The following CAPRIN2 variants were observed in gnomAD, a reference collection of about 807,000 sequenced individuals.
The protein encoded by CAPRIN2 is caprin-2.
In CAPRIN2, 66 loss-of-function variants were observed where a neutral mutation model predicts 130.4. The ratio of observed to expected loss-of-function variants is 0.51; its 90% CI spans 0.42 to 0.62. The LOEUF is 0.62. Ranked by LOEUF, CAPRIN2 falls within the 20% of genes least tolerant of loss-of-function variation. CAPRIN2 has a pLI of 0.00. For synonymous variants in CAPRIN2, 471 were observed against 444.1 expected (o/e 1.06, Z -0.76); for missense variants, 1,185 against 1,246.6 (o/e 0.95, Z 0.74).
rs1442623307 is a variant in CAPRIN2 at position 30,739,136 on chromosome 12, A to G, written c.570+1884T>C. Among the ~76,000 whole-genome samples the G allele has an allele frequency of 2.6e-5, 4 of 152,232 alleles. No individual in the cohort carries two copies. In the East Asian group the frequency reaches 7.7e-4, roughly 29 times the overall value. On this transcript the variant is annotated intron_variant, in intron 3 of 16. Coordinates refer to ENST00000298892, the Ensembl canonical transcript of CAPRIN2. ...CATTACAGCACTATTCACAAGAGGA[A>G]AGACATGGAATCAATCTAAATGCCC...
intron 9 of CAPRIN2, among the ~76,000 whole-genome samples, chr12:30,724,953 C>G (rs1447488569): frequency 6.6e-6 from 1 of 152,104 alleles, no homozygotes; most frequent in Non-Finnish European, 1.5e-5. Flanking sequence ...TTGACCACAC[C>G]ACTGCACCCT....
chr12:30,728,152 G>T (rs577928965), intron 8 of CAPRIN2, among the ~76,000 whole-genome samples: 1 of 152,142 alleles, frequency 6.6e-6, no homozygotes, highest in Non-Finnish European at 1.5e-5. Flanking sequence ...TTTCATCTCA[G>T]ATTAGACTTA....
intron 8 of CAPRIN2, among the ~76,000 whole-genome samples, chr12:30,727,952 G>C (rs1262057714): frequency 1.3e-5 from 2 of 152,146 alleles, no homozygotes; most frequent in Non-Finnish European, 2.9e-5. Flanking sequence ...TAACTTGTCA[G>C]AAAAAGTTAT....
In CAPRIN2 at chr12:30,725,864, C is replaced by A. The variant is rs1005746331; in HGVS notation, c.1905+102G>T. ...CTAGGAGAGCTAGGAGGCAGCAGAG[C>A]CAGGACTTGACAGAATAATCTATGC... On this transcript the variant is annotated intron_variant, in intron 9 of 16. Transcript: ENST00000298892. The A allele has an allele frequency of 2.0e-5, 21 of 1,033,604 alleles. No individual in the cohort carries two copies. The South Asian group carries it at 6.3e-4, about 31-fold the overall frequency. The allele number at this position is 1,033,604 out of a possible 1,614,324, so 64.0% of individuals were successfully genotyped here. A position where few individuals can be genotyped will look rare whatever the true frequency, so the allele number is the denominator to read the frequency against.
intron 11 of CAPRIN2, 64 bp from the exon 13 acceptor site, chr12:30,720,979 C>T: frequency 8.9e-7 from 1 of 1,123,728 alleles, no homozygotes; most frequent in Non-Finnish European, 1.4e-6. Flanking sequence ...ATTTCTTGGG[C>T]CCTGGCCTTC....
chr12:30,744,852 T>C (rs79960467), intron 2 of CAPRIN2, among the ~76,000 whole-genome samples: 2,042 of 152,296 alleles, frequency 0.013, 45 homozygotes, highest in African/African-American at 0.047. Context: ...TCTTGTTGAA[T>C]GAATAAAAGA....
exon 4 of CAPRIN2, chr12:30,735,121 T>G (rs1565648407): frequency 6.2e-7 from 1 of 1,614,186 alleles, no homozygotes; most frequent in Non-Finnish European, 8.5e-7. Context: ...ATACTGAACT[T>G]GAAGTATAGT....
chr12:30,746,645 A>G (rs529207293), intron 2 of CAPRIN2, among the ~76,000 whole-genome samples: 1 of 152,334 alleles, frequency 6.6e-6, no homozygotes, highest in South Asian at 2.1e-4. Flanking sequence ...ACAAGATTTG[A>G]GTGGTATTCC....
exon 4 of CAPRIN2, chr12:30,735,164 G>A: frequency 1.2e-6 from 2 of 1,614,120 alleles, no homozygotes; most frequent in African/African-American, 1.3e-5. Context: ...TCAAGTTTTA[G>A]CATGTGCTCC....
chr12:30,743,051 CT>C (rs1482857404), intron 2 of CAPRIN2, among the ~76,000 whole-genome samples: 1 of 152,100 alleles, frequency 6.6e-6, no homozygotes, highest in Non-Finnish European at 1.5e-5. Context: ...ACTACCTCAA[CT>C]TTCCATCATC....
At chr12:30,727,697 A>G (rs533312816) in intron 8 of CAPRIN2, among the ~76,000 whole-genome samples, 10 of 152,248 alleles carry the variant, frequency 6.6e-5, no homozygotes, top group African/African-American at 2.4e-4. Flanking sequence ...TTTATCCTTA[A>G]AAGAATGTGG....
In CAPRIN2 at chr12:30,713,902, CTT is replaced by C; in HGVS notation, c.2501-19_2501-18del. The stretch of plus-strand genomic sequence containing the variant: ...TATCAAAACCTAATAAATAAACAAA[CTT>C]ACATAAGATTATGGACAAAATCATA... On this transcript the variant is annotated intron_variant, in intron 14 of 16. Transcript: ENST00000298892. 1.4e-6 allele frequency: 2 copies of C among 1,386,504 alleles called. No individual in the cohort carries two copies. Among genetic ancestry groups the C allele is most frequent in the South Asian group, 2.4e-5 (2 of 84,984 alleles). 85.9% of individuals were successfully genotyped at this position (1,386,504 alleles called of 1,614,324 possible).
At chr12:30,749,617 A>AT (rs1565712282) in intron 2 of CAPRIN2, among the ~76,000 whole-genome samples, 1 of 152,180 alleles carries the variant, frequency 6.6e-6, no homozygotes, top group Non-Finnish European at 1.5e-5. Flanking sequence ...ATTCTCCAAG[A>AT]TTTTTGGCAA....
chr12:30,728,575 ACT>A, intron 8 of CAPRIN2, 71 bp downstream of exon 9: 2 of 1,278,188 alleles, frequency 1.6e-6, no homozygotes. Context: ...AAAAAAGAGA[ACT>A]AAAAAGTCAT....
chr12:30,751,252 G>C, intron 1 of CAPRIN2, 119 bp from the exon 3 acceptor site: 2 of 781,782 alleles, frequency 2.6e-6, no homozygotes, highest in Middle Eastern at 2.3e-4. Context: ...CAATCTGCAA[G>C]ACTATCATTT....
At chr12:30,731,723 T>A (rs373566297) in intron 5 of CAPRIN2, among the ~76,000 whole-genome samples, 74 of 152,172 alleles carry the variant, frequency 4.9e-4, no homozygotes, top group African/African-American at 1.8e-3. Flanking sequence ...ATGCAGTCCA[T>A]CTTTATTTTA....
intron 11 of CAPRIN2, among the ~76,000 whole-genome samples, chr12:30,722,341 C>G (rs1226235291): frequency 6.6e-6 from 1 of 152,108 alleles, no homozygotes; most frequent in Non-Finnish European, 1.5e-5. Flanking sequence ...CTAGAAAATT[C>G]TGCTCCAACA....
Position 30,710,155 on chromosome 12 carries a change from G to C in CAPRIN2, c.2981C>G (p.Thr994Ser). 1 of 1,614,104 alleles carries C rather than the reference G, an allele frequency of 6.2e-7. No individual in the cohort carries two copies. The highest frequency in any genetic ancestry group is 8.5e-7 in the Non-Finnish European group (1 of 1,180,032). The change falls in exon 17 of 17, where the codon ACT (threonine) becomes AGT (serine). Residue 994 changes from threonine (T) to serine (S), a missense_variant. Transcript: ENST00000298892. This position sits in a 1 kb window ranked among gnomAD's most constrained non-coding sequence, Gnocchi z 4.8. ...TAGCATGTGAAAAATGAAAACGTAA[G>C]TGCCATTCACTGGGCAATTAAATCT...
chr12:30,711,703 G>T, intron 15 of CAPRIN2, 74 bp from the exon 18 acceptor site: 1 of 1,228,998 alleles, frequency 8.1e-7, no homozygotes, highest in South Asian at 1.2e-5. Context: ...CAGGACTACC[G>T]GCTGGCAAAT....
Sources: gnomAD v4.1 joint callset for allele counts (sites outside exome capture counted in the v4.1 genomes callset) on GRCh38, gnomAD v4.1.1 for gene constraint, Gnocchi (gnomAD v3.1) non-coding constraint, MANE v1.5 for transcripts, NCBI Gene and HGNC (gene_info 2026-07-23, HGNC 2026-07-21) for gene names.